Variants in DNAH10 observed in about 807,000 individuals in gnomAD.
DNAH10 encodes axonemal beta dynein heavy chain 10.
A neutral mutation model predicts 506.6 loss-of-function variants in DNAH10; 348 were observed. The observed-to-expected ratio is 0.69, with a 90% CI of 0.63 to 0.75. The LOEUF (loss-of-function observed/expected upper bound fraction) is 0.75, where lower values mean the gene tolerates loss of function less well. Ranked by LOEUF, DNAH10 falls within the 30% of genes least tolerant of loss-of-function variation. DNAH10 has a pLI of 0.00. For missense variants in DNAH10, 5,179 were observed against 5,787.1 expected (o/e 0.89, Z 3.41); for synonymous variants, 2,059 against 2,198.6 (o/e 0.94, Z 1.78).
At position 123,866,229 on chromosome 12, in the gene DNAH10, CTTTTTTTTTTTTTTT is replaced by C. The variant is rs71088963; in HGVS notation, c.7167+173_7167+187del. Among the ~76,000 whole-genome samples the C allele has an allele frequency of 5.0e-4, 29 of 58,210 alleles. 1 individual carries two copies. The highest frequency in any genetic ancestry group is 1.3e-3 in the African/African-American group (17 of 13,426). The allele number at this position is 58,210 out of a possible 152,430, so 38.2% of individuals were successfully genotyped here. On this transcript the variant is annotated intron_variant, in intron 41 of 78. Transcript: ENST00000673944. ...AATAAGTGAAAACATGGCAGACACA[CTTTTTTTTTTTTTTT>C]TTTTTTTTTTTTTTTTGGAGACGGA...
chr12:123,765,815 CT>C (rs1325541077), intron 1 of DNAH10, among the ~76,000 whole-genome samples: 1 of 151,708 alleles, frequency 6.6e-6, no homozygotes, highest in East Asian at 1.9e-4. Context: ...ACCTACCTAC[CT>C]ATACATCTAT....
At chr12:123,914,589 C>G (rs1421874206) in intron 61 of DNAH10, 39 bp downstream of exon 61, 1 of 1,589,274 alleles carries the variant, frequency 6.3e-7, no homozygotes, top group Non-Finnish European at 8.6e-7. Context: ...GAGGGGACAC[C>G]TTAGCACAGG....
Position 123,910,610 on chromosome 12 carries a change from TTTG to T in DNAH10, c.10076_10078del (p.Val3359del). The stretch of plus-strand genomic sequence containing the variant: ...CAAAGCCGGGCTGGGGATGCTGAAA[TTTG>T]TTGAAGCTGTAATGGGCTACTGTGA... On this transcript the variant is annotated inframe_deletion, in exon 59 of 79. Transcript: ENST00000673944. 1 of 1,612,660 alleles carries T rather than the reference TTTG, an allele frequency of 6.2e-7. No individual in the cohort carries two copies. Among genetic ancestry groups the T allele is most frequent in the Non-Finnish European group, 8.5e-7 (1 of 1,179,812 alleles).
chr12:123,910,563 C>G lies in DNAH10; in HGVS notation c.10025C>G (p.Thr3342Ser). The G allele has an allele frequency of 1.9e-6, 3 of 1,613,694 alleles. No individual in the cohort carries two copies. Among genetic ancestry groups the G allele is most frequent in the Non-Finnish European group, 2.5e-6 (3 of 1,179,836 alleles). Residue 3342 changes from threonine to serine, a missense_variant, in exon 59 of 79, where the codon ACT becomes AGT. By Grantham distance (58) the Thr-to-Ser change is moderately conservative. Around this residue, in one of 3 missense-constraint regions of DNAH10, gnomAD observed 4,844 missense variants for 5,430.5 expected, o/e 0.89. Coordinates refer to ENST00000673944, the MANE Select transcript of DNAH10 (RefSeq NM_001372106.1). The stretch of plus-strand genomic sequence containing the variant: ...CTCTTGAAGACTCTTAATACCACAA[C>G]TGAAGAAATGGAAGCTGTCAGCAAA... ...KGLLKTLNTT[T>S]EEMEAVSKAG...
intron 73 of DNAH10, among the ~76,000 whole-genome samples, chr12:123,930,841 G>T (rs1469585582): frequency 6.6e-6 from 1 of 152,130 alleles, no homozygotes; most frequent in African/African-American, 2.4e-5. Context: ...TTTCGTAAAA[G>T]ATGAACATAC....
intron 35 of DNAH10, 113 bp downstream of exon 35, chr12:123,851,189 G>T: frequency 8.6e-7 from 1 of 1,166,016 alleles, no homozygotes; most frequent in African/African-American, 1.6e-5. Flanking sequence ...ACGGGACCTA[G>T]GATGTGTCAG....
chr12:123,897,701 G>A (rs1254704663), intron 54 of DNAH10, 69 bp from the exon 55 acceptor site: 2 of 1,534,666 alleles, frequency 1.3e-6, no homozygotes, highest in Non-Finnish European at 1.8e-6. Flanking sequence ...CTCCAGCCTG[G>A]GCAACAGAGT....
chr12:123,848,874 A>G lies in DNAH10; in HGVS notation c.6094A>G (p.Thr2032Ala). ...IRNALIHQLT[T>A]FQFEGQEISL... ...AAATGCTCTGATCCATCAGTTAACC[A>G]CGTTCCAGGTGAGACACATGAAGCC... Residue 2032 changes from threonine to alanine, a missense_variant, in exon 34 of 79, where the codon ACG becomes GCG. This residue lies in a region of DNAH10 where 4,844 missense variants were observed against 5,430.5 expected (regional missense o/e 0.89). Coordinates refer to ENST00000673944, the MANE Select transcript of DNAH10 (RefSeq NM_001372106.1). The G allele has an allele frequency of 1.9e-6, 3 of 1,613,570 alleles. No individual in the cohort carries two copies. The highest frequency in any genetic ancestry group is 2.5e-6 in the Non-Finnish European group (3 of 1,179,754).
chr12:123,883,913 C>T (rs1319327077), intron 51 of DNAH10, among the ~76,000 whole-genome samples: 1 of 152,174 alleles, frequency 6.6e-6, no homozygotes, highest in East Asian at 1.9e-4. Flanking sequence ...CAGTTCTTCT[C>T]AGATGCTCAG....
chr12:123,824,086 G>A (rs1349153836), intron 24 of DNAH10, among the ~76,000 whole-genome samples: 1 of 152,192 alleles, frequency 6.6e-6, no homozygotes, highest in African/African-American at 2.4e-5. Flanking sequence ...GCAGGGGACT[G>A]TCATCATAAT....
intron 76 of DNAH10, 119 bp from the exon 77 acceptor site, chr12:123,933,212 C>T (rs978199814): frequency 4.0e-6 from 4 of 1,000,068 alleles, no homozygotes; most frequent in Non-Finnish European, 5.4e-6. Flanking sequence ...GTGCCAACGC[C>T]ATCTTTTGCC....
rs1160231847 is a variant in DNAH10, at chr12:123,762,466, C to T, written c.130C>T (p.Leu44Phe). Residue 44 changes from leucine (L) to phenylalanine (F), a missense_variant, in exon 1 of 79, where the codon CTC becomes TTC. Around this residue, in one of 3 missense-constraint regions of DNAH10, gnomAD observed 326 missense variants for 330.8 expected, o/e 0.99. Coordinates refer to ENST00000673944, the MANE Select transcript of DNAH10 (RefSeq NM_001372106.1). This position sits in a 1 kb window ranked among gnomAD's most constrained non-coding sequence, Gnocchi z 5.0. Reference sequence around the variant, plus strand: ...GGGCGAGGACCTCATCTTGCACTTCCTCAACCAGGCGAGCGAGGAGGAGGG... The same window carrying T: ...GGGCGAGGACCTCATCTTGCACTTCTTCAACCAGGCGAGCGAGGAGGAGGG... ...GQGEDLILHF[L>F]NQASEEEGPS... 2.7e-6 allele frequency: 4 copies of T among 1,503,278 alleles called. No individual in the cohort carries two copies. The highest frequency in any genetic ancestry group is 1.7e-4 in the Middle Eastern group (1 of 5,804). 93.1% of individuals were successfully genotyped at this position (1,503,278 alleles called of 1,614,324 possible). A position where few individuals can be genotyped will look rare whatever the true frequency, so the allele number is the denominator to read the frequency against.
rs1374537109 is a variant in DNAH10, at chr12:123,909,383, G to A, written c.9938G>A (p.Arg3313Gln). 6.2e-7 allele frequency: 1 copy of A among 1,610,746 alleles called. No homozygotes were observed. The highest frequency in any genetic ancestry group is 8.5e-7 in the Non-Finnish European group (1 of 1,178,536). ...GTGATGTCCGACCCGAATTTCCTGC[G>A]GTCTCTGATGGAGATTGATTTTGAT... ...KGVMSDPNFL[R>Q]SLMEIDFDSI... The change falls in exon 58 of 79, where the codon CGG becomes CAG. Residue 3313 changes from arginine to glutamine, a missense_variant. Arg to Gln is a conservative substitution (Grantham distance 43). This residue lies in a region of DNAH10 where 4,844 missense variants were observed against 5,430.5 expected (regional missense o/e 0.89). Transcript: ENST00000673944. The surrounding 1 kb of genome is among the most constrained non-coding windows in gnomAD (Gnocchi z 5.4).
rs140599130 is a variant in DNAH10 at position 123,823,022 on chromosome 12, C to T, written c.4179+2264C>T. Among the ~76,000 whole-genome samples, 18 of 152,308 alleles carry T rather than the reference C, an allele frequency of 1.2e-4. No individual in the cohort carries two copies. In the East Asian group the frequency reaches 1.5e-3, roughly 13 times the overall value. On this transcript the variant is annotated intron_variant, in intron 24 of 78. Transcript: ENST00000673944. ...GCACCGATATGTGAACAAATAACCA[C>T]GCCCCCAAGATATGTGCTGGAAATG... is the stretch of plus-strand genomic sequence containing the variant.
chr12:123,762,594 C>T lies in DNAH10; in HGVS notation c.214+44C>T. 1 of 1,510,024 alleles carries T rather than the reference C, an allele frequency of 6.6e-7. No individual in the cohort carries two copies. Among genetic ancestry groups the T allele is most frequent in the Non-Finnish European group, 8.9e-7 (1 of 1,128,382 alleles). The allele number at this position is 1,510,024 out of a possible 1,614,324, so 93.5% of individuals were successfully genotyped here. Reference sequence around the variant, plus strand: ...CTCCCTTCCCCGGGCTTCCCTCCTGCCCGTCCCGGCCTCTCCGGCGGGCGC... The same window carrying T: ...CTCCCTTCCCCGGGCTTCCCTCCTGTCCGTCCCGGCCTCTCCGGCGGGCGC... On this transcript the variant is annotated intron_variant, in intron 1 of 78. Coordinates refer to ENST00000673944, the MANE Select transcript of DNAH10 (RefSeq NM_001372106.1). This position sits in a 1 kb window ranked among gnomAD's most constrained non-coding sequence, Gnocchi z 5.0.
chr12:123,838,385 C>CT, intron 28 of DNAH10, 71 bp from the exon 29 acceptor site: 5 of 1,416,150 alleles, frequency 3.5e-6, no homozygotes, highest in Non-Finnish European at 4.8e-6. Context: ...AGTGCCTGTT[C>CT]TGGGCTCAAG....
At position 123,801,381 on chromosome 12, in the gene DNAH10, C is replaced by A; in HGVS notation, c.2563C>A (p.Leu855Met). ...GCTTCTCAAAGATCATTCCCAGGAA[C>A]TGCTCCGAGTGTTTAGGTCGGGATA... ...SVLLKDHSQE[L>M]LRVFRSGYKR... Residue 855 changes from leucine to methionine, a missense_variant, in exon 16 of 79, where the codon CTG (leucine) becomes ATG (methionine). Physicochemically the swap from Leu to Met is conservative, Grantham distance 15. Around this residue, in one of 3 missense-constraint regions of DNAH10, gnomAD observed 4,844 missense variants for 5,430.5 expected, o/e 0.89. Coordinates refer to ENST00000673944, the MANE Select transcript of DNAH10 (RefSeq NM_001372106.1). The A allele has an allele frequency of 6.2e-7, 1 of 1,614,222 alleles. No individual in the cohort carries two copies.
rs117812978 is a variant in DNAH10 at position 123,915,905 on chromosome 12, G to A, written c.10723-552G>A. Among the ~76,000 whole-genome samples the A allele has an allele frequency of 3.1e-4, 47 of 152,272 alleles. No homozygotes were observed. The East Asian group carries it at 8.3e-3, about 27-fold the overall frequency. On this transcript the variant is annotated intron_variant, in intron 62 of 78. Transcript: ENST00000673944. ...TACCTAGGAATGGAATTGCCGGGGC[G>A]GCCCAATCACTTTTTGCTGAGCTAA...
intron 19 of DNAH10, among the ~76,000 whole-genome samples, chr12:123,809,400 C>T (rs1309990281): frequency 6.6e-6 from 1 of 152,152 alleles, no homozygotes; most frequent in African/African-American, 2.4e-5. Flanking sequence ...TATCCTAGCA[C>T]TTTGGGAGGC....
Sources: gnomAD v4.1 joint callset for allele counts (sites outside exome capture counted in the v4.1 genomes callset) on GRCh38, gnomAD v4.1.1 for gene constraint, gnomAD v4.1.1 regional missense constraint, Gnocchi (gnomAD v3.1) non-coding constraint, MANE v1.5 for transcripts, NCBI Gene and HGNC (gene_info 2026-07-23, HGNC 2026-07-21) for gene names.